Variants in HDAC9 observed in about 807,000 individuals in gnomAD.
HDAC9 encodes the protein MEF-2 interacting transcription repressor (MITR) protein.
A neutral mutation model predicts 139.4 loss-of-function variants in HDAC9; 41 were observed. The observed-to-expected ratio is 0.29, with a 90% CI of 0.23 to 0.38. The LOEUF is 0.38. Ranked by LOEUF, HDAC9 falls within the 10% of genes least tolerant of loss-of-function variation. The pLI is 1.00. For synonymous variants in HDAC9, 517 were observed against 476.2 expected (o/e 1.09, Z -1.12); for missense variants, 1,147 against 1,297.0 (o/e 0.88, Z 1.78).
intron 2 of HDAC9, among the ~76,000 whole-genome samples, chr7:18,571,229 T>G (rs900924062): frequency 2.0e-5 from 3 of 152,252 alleles, no homozygotes; most frequent in Non-Finnish European, 4.4e-5. Flanking sequence ...AATTCAGCAT[T>G]TTAAAATTCC....
At chr7:18,693,732 A>G (rs1042423062) in intron 12 of HDAC9, among the ~76,000 whole-genome samples, 2 of 152,170 alleles carry the variant, frequency 1.3e-5, no homozygotes, top group Non-Finnish European at 2.9e-5. Flanking sequence ...CCAGCCTCTG[A>G]TATCTATTAG....
intron 1 of HDAC9, among the ~76,000 whole-genome samples, chr7:18,319,470 T>C (rs932185156): frequency 3.3e-5 from 5 of 152,234 alleles, no homozygotes; most frequent in African/African-American, 1.2e-4. Context: ...AACTATGTTA[T>C]TTGTTGACGC....
intron 1 of HDAC9, among the ~76,000 whole-genome samples, chr7:18,377,477 T>C (rs988528626): frequency 6.6e-6 from 1 of 152,220 alleles, no homozygotes; most frequent in Admixed American, 6.5e-5. Flanking sequence ...TTTAGGAAGA[T>C]TTCTTCTTTT....
intron 1 of HDAC9, among the ~76,000 whole-genome samples, chr7:18,424,519 T>C (rs1396804039): frequency 6.6e-6 from 1 of 152,236 alleles, no homozygotes; most frequent in Non-Finnish European, 1.5e-5. Flanking sequence ...GGAAGTCATG[T>C]AGTAGTATTT....
chr7:18,913,293 A>G (rs1480925568), intron 22 of HDAC9, among the ~76,000 whole-genome samples: 1 of 152,128 alleles, frequency 6.6e-6, no homozygotes, highest in East Asian at 1.9e-4. Context: ...TCAGAATAAT[A>G]GAATTTAAAC....
intron 1 of HDAC9, among the ~76,000 whole-genome samples, chr7:18,145,900 C>T (rs1057287095): frequency 1.3e-5 from 2 of 151,798 alleles, no homozygotes; most frequent in Admixed American, 6.6e-5. Flanking sequence ...AGAGGTATCC[C>T]GAGAGGAGCA....
At chr7:18,803,855 A>G (rs998953152) in intron 17 of HDAC9, among the ~76,000 whole-genome samples, 1 of 152,176 alleles carries the variant, frequency 6.6e-6, no homozygotes, top group East Asian at 1.9e-4. Context: ...CCCTTGCAAT[A>G]GACTGCAAGC....
At chr7:18,186,032 C>T (rs1463035410) in intron 2 of HDAC9, among the ~76,000 whole-genome samples, 8 of 152,116 alleles carry the variant, frequency 5.3e-5, no homozygotes, top group Non-Finnish European at 1.0e-4. Context: ...TATGTGATAT[C>T]TCATTTTATC....
At chr7:18,656,412 A>G (rs1241327791) in intron 11 of HDAC9, among the ~76,000 whole-genome samples, 2 of 152,132 alleles carry the variant, frequency 1.3e-5, no homozygotes, top group Non-Finnish European at 2.9e-5. Flanking sequence ...CTTTCCCTTG[A>G]GTGGCTCAAA....
intron 1 of HDAC9, among the ~76,000 whole-genome samples, chr7:18,144,331 A>T (rs73315761): frequency 0.024 from 3,620 of 152,258 alleles, 145 homozygotes; most frequent in African/African-American, 0.081. Flanking sequence ...GTTCCTGATT[A>T]CTGTAACTGG....
chr7:18,541,162 T>TTC (rs1812771973), intron 2 of HDAC9, among the ~76,000 whole-genome samples: 1 of 149,614 alleles, frequency 6.7e-6, no homozygotes, highest in Non-Finnish European at 1.5e-5. Flanking sequence ...TTTTTTTTTT[T>TTC]TTTTCTGATT....
chr7:18,989,249 G>A (rs1365413893), intron 25 of HDAC9, among the ~76,000 whole-genome samples: 1 of 148,868 alleles, frequency 6.7e-6, no homozygotes, highest in African/African-American at 2.5e-5. Context: ...GCTCTTTTAG[G>A]GCAGGCCTGG....
intron 2 of HDAC9, among the ~76,000 whole-genome samples, chr7:18,573,746 G>A (rs192474943): frequency 1.5e-3 from 229 of 152,324 alleles, no homozygotes; most frequent in Non-Finnish European, 2.8e-3. Context: ...TGTACTGCAC[G>A]CGGCTTCTGC....
chr7:18,519,046 T>C (rs1804135913), intron 2 of HDAC9, among the ~76,000 whole-genome samples: 1 of 152,208 alleles, frequency 6.6e-6, no homozygotes, highest in African/African-American at 2.4e-5. Context: ...CTCTAAGTGA[T>C]TGATAAATAC....
chr7:18,570,182 A>G (rs1291567449), intron 2 of HDAC9, among the ~76,000 whole-genome samples: 3 of 152,152 alleles, frequency 2.0e-5, no homozygotes, highest in African/African-American at 4.8e-5. Context: ...TAAGAAAAAC[A>G]AAAACAAAAA....
chr7:18,382,867 A>G (rs1785562568), intron 1 of HDAC9, among the ~76,000 whole-genome samples: 1 of 152,226 alleles, frequency 6.6e-6, no homozygotes, highest in African/African-American at 2.4e-5. Context: ...CATGAAATAT[A>G]TATCTGTATA....
At chr7:18,262,358 G>T (rs1365069790) in intron 2 of HDAC9, among the ~76,000 whole-genome samples, 1 of 152,128 alleles carries the variant, frequency 6.6e-6, no homozygotes, top group African/African-American at 2.4e-5. Context: ...TGAAGGAAAG[G>T]CTATCAAGCA....
At chr7:18,240,805 C>T (rs1028775584) in intron 2 of HDAC9, among the ~76,000 whole-genome samples, 10 of 152,214 alleles carry the variant, frequency 6.6e-5, no homozygotes, top group Non-Finnish European at 1.2e-4. Flanking sequence ...TCCACACTGG[C>T]CTTCTTGCTG....
In HDAC9 at chr7:18,411,436, G is replaced by A. The variant is rs369447442; in HGVS notation, c.-41-84826G>A. On this transcript the variant is annotated intron_variant, in intron 1 of 3. Coordinates refer to the HDAC9 transcript ENST00000413509. ...GTCACTCAGGCTGGAGTGCAGTGGC[G>A]TGATTTTGGCTCACTGCAGCCTCCG... 2.2e-4 allele frequency among the ~76,000 whole-genome samples: 33 copies of A among 151,796 alleles called. No individual in the cohort carries two copies. In the East Asian group the frequency reaches 2.8e-3, roughly 13 times the overall value.
Sources: gnomAD v4.1 joint callset for allele counts (sites outside exome capture counted in the v4.1 genomes callset) on GRCh38, gnomAD v4.1.1 for gene constraint, MANE v1.5 for transcripts, NCBI Gene and HGNC (gene_info 2026-07-23, HGNC 2026-07-21) for gene names.